ULK4: variants seen among roughly 807,000 people sequenced by gnomAD.
ULK4 encodes the protein unc-51 like kinase 4, also known as inactive serine/threonine-protein kinase ULK4.
A neutral mutation model predicts 160.6 loss-of-function variants in ULK4; 133 were observed. That is an observed-to-expected ratio of 0.83 (90% CI 0.72 to 0.96). ULK4 has a LOEUF of 0.96. Ranked by LOEUF, ULK4 falls within the 40% of genes least tolerant of loss-of-function variation. ULK4 has a pLI of 0.00. For synonymous variants in ULK4, 534 were observed against 539.8 expected (o/e 0.99, Z 0.15); for missense variants, 1,580 against 1,499.5 (o/e 1.05, Z -0.89).
intron 34 of ULK4, among the ~76,000 whole-genome samples, chr3:41,447,386 C>T (rs1036717194): frequency 2.6e-5 from 4 of 152,014 alleles, no homozygotes; most frequent in Admixed American, 1.3e-4. Context: ...TCTGGCACAC[C>T]TCATATCCCG....
chr3:41,374,520 G>T (rs1454078292), intron 35 of ULK4, among the ~76,000 whole-genome samples: 2 of 152,042 alleles, frequency 1.3e-5, no homozygotes. Flanking sequence ...CATAGAAAAA[G>T]AACCCATGGA....
chr3:41,247,085 G>GTATCTGGTGGAC (rs2078659429), intron 36 of ULK4, 93 bp from the exon 37 acceptor site: 17 of 1,187,366 alleles, frequency 1.4e-5, no homozygotes, highest in Non-Finnish European at 2.1e-5. Context: ...TTGCACCCGA[G>GTATCTGGTGGAC]TATCTGGTGG....
intron 35 of ULK4, among the ~76,000 whole-genome samples, chr3:41,389,876 G>A (rs1666555756): frequency 6.6e-6 from 1 of 152,132 alleles, no homozygotes; most frequent in Admixed American, 6.5e-5. Flanking sequence ...TCAGGATGAT[G>A]CTGGCCTCAT....
chr3:41,888,671 C>T (rs1213405874), intron 16 of ULK4, among the ~76,000 whole-genome samples: 3 of 152,200 alleles, frequency 2.0e-5, no homozygotes, highest in South Asian at 2.1e-4. Flanking sequence ...CCGGGGTAAA[C>T]GTGGAAAATT....
chr3:41,650,818 T>TGACAGC (rs2034710643), intron 30 of ULK4, among the ~76,000 whole-genome samples: 1 of 152,208 alleles, frequency 6.6e-6, no homozygotes, highest in East Asian at 1.9e-4. Flanking sequence ...CAACAATATT[T>TGACAGC]TATTTATAAA....
chr3:41,803,848 C>T (rs1401983041), intron 19 of ULK4, among the ~76,000 whole-genome samples: 3 of 152,150 alleles, frequency 2.0e-5, no homozygotes, highest in East Asian at 1.9e-4. Flanking sequence ...GTATTCCATG[C>T]TGTATATGTG....
chr3:41,635,199 C>G (rs1331706735), intron 30 of ULK4, among the ~76,000 whole-genome samples: 1 of 152,070 alleles, frequency 6.6e-6, no homozygotes, highest in Non-Finnish European at 1.5e-5. Context: ...TAAGATCAGT[C>G]ATGATACTAA....
intron 7 of ULK4, among the ~76,000 whole-genome samples, chr3:41,917,040 T>G (rs1434552089): frequency 6.6e-6 from 1 of 152,202 alleles, no homozygotes; most frequent in East Asian, 1.9e-4. Flanking sequence ...CTTATTCTTT[T>G]AAGTATTCCT....
chr3:41,950,644 C>G (rs1415653731), intron 2 of ULK4, among the ~76,000 whole-genome samples: 1 of 152,000 alleles, frequency 6.6e-6, no homozygotes, highest in Non-Finnish European at 1.5e-5. Flanking sequence ...CTGCCTCGGT[C>G]TCTCCAAGTG....
chr3:41,827,438 T>C (rs937088548), intron 18 of ULK4, among the ~76,000 whole-genome samples: 12 of 151,564 alleles, frequency 7.9e-5, no homozygotes, highest in African/African-American at 2.9e-4. Context: ...AACAATCAAA[T>C]AGACGCAATA....
At chr3:41,581,132 T>C (rs1322929730) in intron 31 of ULK4, among the ~76,000 whole-genome samples, 1 of 151,874 alleles carries the variant, frequency 6.6e-6, no homozygotes, top group Non-Finnish European at 1.5e-5. Flanking sequence ...TTGTAACATA[T>C]AGCAAGAAAA....
At position 41,829,295 on chromosome 3, in the gene ULK4, T is replaced by C. The variant is rs201730810; in HGVS notation, c.1764+6569A>G. Among the ~76,000 whole-genome samples the C allele has an allele frequency of 9.3e-4, 135 of 145,792 alleles. No individual in the cohort carries two copies. The East Asian group carries it at 9.6e-3, about 10-fold the overall frequency. On this transcript the variant is annotated intron_variant, in intron 18 of 36. Coordinates refer to ENST00000301831, the MANE Select transcript of ULK4 (RefSeq NM_017886.4). Reference sequence around the variant, plus strand: ...GGCAACAAAAGCCAAAATTGACAAATGGGATCTAATTAAACTAAAGAGCTT... The same window carrying C: ...GGCAACAAAAGCCAAAATTGACAAACGGGATCTAATTAAACTAAAGAGCTT...
At chr3:41,922,270 T>C (rs2148814796) in intron 5 of ULK4, among the ~76,000 whole-genome samples, 1 of 152,282 alleles carries the variant, frequency 6.6e-6, no homozygotes, top group East Asian at 1.9e-4. Flanking sequence ...GGAGGATCAC[T>C]TGAGGCCTGG....
At chr3:41,610,617 C>A (rs903432020) in intron 31 of ULK4, among the ~76,000 whole-genome samples, 2 of 152,186 alleles carry the variant, frequency 1.3e-5, no homozygotes, top group Non-Finnish European at 2.9e-5. Context: ...TAAAGAGACT[C>A]TTTTCTAAAA....
chr3:41,749,947 T>C (rs1421027778), intron 22 of ULK4, among the ~76,000 whole-genome samples: 1 of 151,650 alleles, frequency 6.6e-6, no homozygotes, highest in African/African-American at 2.4e-5. Context: ...GAAGGACAGA[T>C]TCCTGAAGCT....
At chr3:41,377,030 T>C (rs1441127215) in intron 35 of ULK4, among the ~76,000 whole-genome samples, 2 of 151,430 alleles carry the variant, frequency 1.3e-5, no homozygotes, top group African/African-American at 4.9e-5. Flanking sequence ...AACAGAGATA[T>C]AGATCAATGG....
chr3:41,894,063 G>GA lies in ULK4; in HGVS notation c.1577+1454dup, dbSNP rs914772204. On this transcript the variant is annotated intron_variant, in intron 16 of 36. Transcript: ENST00000301831. ...CAAACTTCAATTTTTAAAAGTGGGG[G>GA]AAAAAAACAGTATGTGTGAATTTTG... Among the ~76,000 whole-genome samples the GA allele has an allele frequency of 1.6e-4, 25 of 152,016 alleles. No individual in the cohort carries two copies. In the Middle Eastern group the frequency reaches 0.014, roughly 83 times the overall value.
chr3:41,620,326 C>T (rs2033182090), intron 30 of ULK4, among the ~76,000 whole-genome samples: 1 of 151,578 alleles, frequency 6.6e-6, no homozygotes, highest in Non-Finnish European at 1.5e-5. Flanking sequence ...CAAAAAATTT[C>T]AGGTCAATAT....
intron 31 of ULK4, among the ~76,000 whole-genome samples, chr3:41,610,221 C>T (rs1271091619): frequency 6.6e-6 from 1 of 151,800 alleles, no homozygotes; most frequent in African/African-American, 2.4e-5. Context: ...TTTTGCCTGT[C>T]GGCCAGACTG....
Sources: gnomAD v4.1 joint callset for allele counts (sites outside exome capture counted in the v4.1 genomes callset) on GRCh38, gnomAD v4.1.1 for gene constraint, MANE v1.5 for transcripts, NCBI Gene and HGNC (gene_info 2026-07-23, HGNC 2026-07-21) for gene names.